The following PANK1 variants were observed in gnomAD, a reference collection of about 807,000 sequenced individuals.
PANK1 encodes the protein pantothenate kinase 1.
A neutral mutation model predicts 40.1 loss-of-function variants in PANK1; 18 were observed. That is an observed-to-expected ratio of 0.45 (90% confidence interval 0.31 to 0.67). The LOEUF (loss-of-function observed/expected upper bound fraction) is 0.67. PANK1 is among the 30% of genes least tolerant of loss of function. The probability of loss-of-function intolerance (pLI) is 0.06; values close to 1 mark genes in which losing one functional copy is unlikely to be tolerated. For missense variants in PANK1, 457 were observed against 599.6 expected (o/e 0.76, Z 2.48); for synonymous variants, 242 against 237.7 (o/e 1.02, Z -0.17).
chr10:89,634,711 T>TATCA (rs1841752256), intron 1 of PANK1, among the ~76,000 whole-genome samples: 1 of 152,182 alleles, frequency 6.6e-6, no homozygotes, highest in African/African-American at 2.4e-5. Context: ...AGGGCTGAGA[T>TATCA]ATCAAACAGT....
Position 89,644,828 on chromosome 10 carries a change from TGCCCACGGGG to T in PANK1, c.54_63del (p.Val20AlafsTer5). The T allele has an allele frequency of 6.9e-7, 1 of 1,456,172 alleles. No individual in the cohort carries two copies. Among genetic ancestry groups the T allele is most frequent in the Non-Finnish European group, 9.0e-7 (1 of 1,113,004 alleles). 90.2% of individuals were successfully genotyped at this position (1,456,172 alleles called of 1,614,324 possible). A position where few individuals can be genotyped will look rare whatever the true frequency, so the allele number is the denominator to read the frequency against. On this transcript the variant is annotated frameshift_variant, in exon 1 of 7. Coordinates refer to ENST00000307534, the MANE Select transcript of PANK1 (RefSeq NM_148977.3). LOFTEE classifies it high-confidence loss of function. ...AGCCCGTTCACAGCGGCGGCGCTGG[TGCCCACGGGG>T]GCCCCTGGAGAGTGCGGGACCGAGC...
Position 89,588,687 on chromosome 10 carries a change from T to G in PANK1, c.1291A>C (p.Lys431Gln). Reference sequence around the variant, plus strand: ...AAAAACAGAGCTTTCAGTTGTCCTTTGGACCAAAAATCCATGGCATATGCC... The same window carrying G: ...AAAAACAGAGCTTTCAGTTGTCCTTGGGACCAAAAATCCATGGCATATGCC... ...LLAYAMDFWS[K>Q]GQLKALFLEH... The change falls in exon 6 of 7, where the codon AAA (lysine) becomes CAA (glutamine). Residue 431 changes from lysine to glutamine, a missense_variant. Transcript: ENST00000307534. 1 of 1,605,636 alleles carries G rather than the reference T, an allele frequency of 6.2e-7. No individual in the cohort carries two copies. Among genetic ancestry groups the G allele is most frequent in the Non-Finnish European group, 8.5e-7 (1 of 1,176,686 alleles).
Position 89,611,812 on chromosome 10 carries a change from T to C in PANK1, c.529A>G (p.Ser177Gly). 6.2e-7 allele frequency: 1 copy of C among 1,614,236 alleles called. No individual in the cohort carries two copies. Among genetic ancestry groups the C allele is most frequent in the Non-Finnish European group, 8.5e-7 (1 of 1,180,038 alleles). ...KGNLHFIRFPSCAMHRFIQMG... is the reference protein window; with the variant it reads ...KGNLHFIRFPGCAMHRFIQMG... ...TGAATGAACCTGTGCATAGCACAGC[T>C]GGGAAAGCGGATGAAGTGCAGGTTC... is the stretch of plus-strand genomic sequence containing the variant. The change falls in exon 2 of 7, where the codon AGC becomes GGC. Residue 177 changes from serine (S) to glycine (G), a missense_variant. This residue lies in a region of PANK1 where 286 missense variants were observed against 415.8 expected (regional missense o/e 0.69). Transcript: ENST00000307534.
At chr10:89,633,135 GTA>G (rs112418756) in intron 1 of PANK1, among the ~76,000 whole-genome samples, 4 of 150,492 alleles carry the variant, frequency 2.7e-5, no homozygotes, top group Non-Finnish European at 3.0e-5. Flanking sequence ...TTTCCACGGT[GTA>G]TATATATATA....
At chr10:89,591,504 G>A (rs1844386391) in intron 5 of PANK1, among the ~76,000 whole-genome samples, 1 of 152,184 alleles carries the variant, frequency 6.6e-6, no homozygotes, top group Non-Finnish European at 1.5e-5. Flanking sequence ...TGCAATCAAA[G>A]GTTCTCAAAT....
chr10:89,587,904 T>C (rs1315688063), intron 6 of PANK1, among the ~76,000 whole-genome samples: 1 of 152,222 alleles, frequency 6.6e-6, no homozygotes, highest in Non-Finnish European at 1.5e-5. Context: ...CTAATTAACA[T>C]GTATATAACT....
At chr10:89,641,034 T>TGG (rs1841954408) in intron 1 of PANK1, among the ~76,000 whole-genome samples, 1 of 152,208 alleles carries the variant, frequency 6.6e-6, no homozygotes, top group Non-Finnish European at 1.5e-5. Context: ...ATTGTACAAT[T>TGG]CATAGCTTAA....
chr10:89,601,240 C>T (rs538112611), intron 2 of PANK1, among the ~76,000 whole-genome samples: 9 of 148,502 alleles, frequency 6.1e-5, no homozygotes, highest in East Asian at 6.0e-4. Flanking sequence ...TTTGGGGCGC[C>T]GAGGTGAGAG....
chr10:89,604,379 G>C (rs1589778340), intron 2 of PANK1, among the ~76,000 whole-genome samples: 1 of 152,074 alleles, frequency 6.6e-6, no homozygotes, highest in Admixed American at 6.5e-5. Context: ...TGAGTATTTT[G>C]GTTTCTTAGT....
intron 2 of PANK1, among the ~76,000 whole-genome samples, chr10:89,600,575 G>A (rs999011723): frequency 1.3e-5 from 2 of 152,090 alleles, no homozygotes; most frequent in African/African-American, 4.8e-5. Context: ...AAAAAATGTT[G>A]GCTCTTTTAT....
At chr10:89,613,842 G>A (rs1220160234) in intron 1 of PANK1, 1 of 385,906 alleles carries the variant, frequency 2.6e-6, no homozygotes, top group South Asian at 1.9e-5. Context: ...GGAGCAGCAT[G>A]TTGTAATAGG....
At chr10:89,614,064 C>A in intron 1 of PANK1, 1 of 456,270 alleles carries the variant, frequency 2.2e-6, no homozygotes, top group Admixed American at 2.4e-5. Context: ...TAACCCCAAT[C>A]ATAAAGTCTG....
rs752416336 is a variant in PANK1 at position 89,645,191 on chromosome 10, C to T, written c.-300G>A. On this transcript the variant is annotated 5_prime_UTR_variant, in exon 1 of 7. Coordinates refer to ENST00000307534, the MANE Select transcript of PANK1 (RefSeq NM_148977.3). Reference sequence around the variant, plus strand: ...CCGGGGCTCCCGCCGCCCGCCTTCCCCTGATCCCCAGGCCGCGCGACTTCA... The same window carrying T: ...CCGGGGCTCCCGCCGCCCGCCTTCCTCTGATCCCCAGGCCGCGCGACTTCA... 8 of 1,588,180 alleles carry T rather than the reference C, an allele frequency of 5.0e-6. No individual in the cohort carries two copies. The highest frequency in any genetic ancestry group is 1.1e-5 in the South Asian group (1 of 89,064).
At chr10:89,605,777 G>C (rs375938220) in intron 2 of PANK1, among the ~76,000 whole-genome samples, 1 of 151,892 alleles carries the variant, frequency 6.6e-6, no homozygotes. Flanking sequence ...GTTTCTAATT[G>C]ATTTTACCCA....
At chr10:89,640,738 G>A (rs1161462929) in intron 1 of PANK1, among the ~76,000 whole-genome samples, 1 of 152,180 alleles carries the variant, frequency 6.6e-6, no homozygotes, top group Non-Finnish European at 1.5e-5. Context: ...CAGCCTGTCA[G>A]TTAAAACCAA....
In PANK1 at chr10:89,590,081, A is replaced by C. The variant is rs749570262; in HGVS notation, c.1201-1304T>G. 8.6e-4 allele frequency among the ~76,000 whole-genome samples: 130 copies of C among 151,860 alleles called. 3 individuals carry two copies. Among genetic ancestry groups the C allele is most frequent in the Non-Finnish European group, 1.5e-3 (101 of 67,918 alleles). On this transcript the variant is annotated intron_variant, in intron 5 of 6. Transcript: ENST00000307534. ...AGAAAAGAAAAAGAGATAGGGAAAA[A>C]TATGGAAGAATTGGAAAAAAAAGTT...
chr10:89,623,324 C>T (rs1381951806), intron 1 of PANK1, among the ~76,000 whole-genome samples: 1 of 152,116 alleles, frequency 6.6e-6, no homozygotes, highest in African/African-American at 2.4e-5. Flanking sequence ...TGGGTTAACG[C>T]CATTCTCCTG....
chr10:89,623,893 C>A (rs1277789452), intron 1 of PANK1, among the ~76,000 whole-genome samples: 1 of 152,230 alleles, frequency 6.6e-6, no homozygotes, highest in Non-Finnish European at 1.5e-5. Flanking sequence ...ATTCACTCAC[C>A]TGCACCACGG....
intron 1 of PANK1, among the ~76,000 whole-genome samples, chr10:89,636,340 A>ATTT (rs1218411883): frequency 2.7e-5 from 4 of 149,984 alleles, no homozygotes; most frequent in African/African-American, 9.7e-5. Flanking sequence ...TATTATTATT[A>ATTT]TTTTTAATTT....
Sources: allele counts gnomAD v4.1 joint callset (sites outside exome capture counted in the v4.1 genomes callset), GRCh38; gene constraint gnomAD v4.1.1; regional missense constraint gnomAD v4.1.1; transcripts MANE v1.5; gene names NCBI Gene and HGNC (gene_info 2026-07-23, HGNC 2026-07-21).